The following UCHL5 variants were observed in gnomAD, a reference collection of about 807,000 sequenced individuals.
UCHL5 encodes the protein ubiquitin carboxyl-terminal hydrolase isozyme L5.
A neutral mutation model predicts 53.8 loss-of-function variants in UCHL5; 34 were observed. That is an observed-to-expected ratio of 0.63 (90% CI 0.48 to 0.84). The LOEUF is 0.84. Ranked by LOEUF, UCHL5 falls within the 40% of genes least tolerant of loss-of-function variation. The pLI is 0.00. For missense variants in UCHL5, 290 were observed against 385.6 expected, an observed-to-expected ratio of 0.75 and a Z score of 2.08; for synonymous variants, 111 against 126.3, an observed-to-expected ratio of 0.88 and a Z score of 0.81.
chr1:193,031,123 C>T (rs937194665), intron 3 of UCHL5, among the ~76,000 whole-genome samples: 16 of 152,144 alleles, frequency 1.1e-4, no homozygotes, highest in African/African-American at 3.6e-4. Flanking sequence ...TGGATGCAAA[C>T]TTTAATGATT....
In UCHL5 at chr1:193,012,722, C is replaced by T. The variant is rs934442087; in HGVS notation, c.*3629G>A. The T allele has an allele frequency of 1.4e-4, 22 of 152,100 alleles. No homozygotes were observed. Among genetic ancestry groups the T allele is most frequent in the African/African-American group, 3.9e-4 (16 of 41,408 alleles). 9.4% of individuals were successfully genotyped at this position (152,100 alleles called of 1,614,324 possible). ...TTCCCTATTTTTTTTACCATTCATA[C>T]TACTATTTGAAAAGTTGTATTACAT... On this transcript the variant is annotated 3_prime_UTR_variant, in exon 11 of 11. Coordinates refer to ENST00000367454, the MANE Select transcript of UCHL5 (RefSeq NM_001199261.3).
intron 3 of UCHL5, 138 bp downstream of exon 3, chr1:193,049,608 T>A: frequency 1.9e-6 from 1 of 531,594 alleles, no homozygotes; most frequent in Non-Finnish European, 3.1e-6. Flanking sequence ...TTTTTAAGAC[T>A]GTAATTGGAG....
intron 3 of UCHL5, among the ~76,000 whole-genome samples, chr1:193,044,714 C>T (rs1232797860): frequency 2.6e-5 from 4 of 152,056 alleles, no homozygotes; most frequent in African/African-American, 9.7e-5. Flanking sequence ...TCTGAAAATA[C>T]TCCAGACATC....
intron 1 of UCHL5, among the ~76,000 whole-genome samples, chr1:193,058,294 G>A (rs1671426637): frequency 6.6e-6 from 1 of 152,126 alleles, no homozygotes; most frequent in Non-Finnish European, 1.5e-5. Flanking sequence ...AACAACATAT[G>A]CTTGATAAAT....
chr1:193,052,685 T>G (rs1437420922), intron 1 of UCHL5, among the ~76,000 whole-genome samples: 2 of 152,202 alleles, frequency 1.3e-5, no homozygotes, highest in South Asian at 4.1e-4. Context: ...CAGAGCTGTT[T>G]GGAGGAATTA....
intron 3 of UCHL5, among the ~76,000 whole-genome samples, chr1:193,037,730 T>TAGTAACAAACCAAATTCAAA (rs1230062285): frequency 3.6e-4 from 54 of 152,002 alleles, no homozygotes; most frequent in African/African-American, 1.2e-3. Context: ...TTCAACCAAA[T>TAGTAACAAACCAAATTCAAA]AGTAACAAAC....
At position 193,014,696 on chromosome 1, in the gene UCHL5, A is replaced by T. The variant is rs2102216003; in HGVS notation, c.*1655T>A. 6.6e-6 allele frequency: 1 copy of T among 152,140 alleles called. No homozygotes were observed. The highest frequency in any genetic ancestry group is 1.9e-4 in the East Asian group (1 of 5,204). The allele number at this position is 152,140 out of a possible 1,614,324, so 9.4% of individuals were successfully genotyped here. ...TTCTATTCTGGCTCCATTTGTTGAA[A>T]AGACTTTCCTTCTCTGTTGAATTGT... On this transcript the variant is annotated 3_prime_UTR_variant, in exon 11 of 11. Coordinates refer to ENST00000367454, the MANE Select transcript of UCHL5 (RefSeq NM_001199261.3).
intron 3 of UCHL5, among the ~76,000 whole-genome samples, chr1:193,031,699 ACTACGTG>A (rs1482546956): frequency 1.3e-5 from 2 of 152,202 alleles, no homozygotes; most frequent in African/African-American, 2.4e-5. Flanking sequence ...CTGAGCACCT[ACTACGTG>A]CCAGACATTG....
Position 193,014,427 on chromosome 1 carries a change from T to C in UCHL5, c.*1924A>G, listed in dbSNP as rs1013540670. 2.0e-5 allele frequency: 3 copies of C among 152,180 alleles called. No individual in the cohort carries two copies. Among genetic ancestry groups the C allele is most frequent in the Non-Finnish European group, 2.9e-5 (2 of 68,028 alleles). 9.4% of individuals were successfully genotyped at this position (152,180 alleles called of 1,614,324 possible). On this transcript the variant is annotated 3_prime_UTR_variant, in exon 11 of 11. Coordinates refer to ENST00000367454, the MANE Select transcript of UCHL5 (RefSeq NM_001199261.3). ...GATATTTTTCAAATGTCATTTGATA[T>C]TACTTTTGTTAACACTTTCAATGAC...
At chr1:193,041,329 C>G (rs1332911936) in intron 3 of UCHL5, among the ~76,000 whole-genome samples, 1 of 151,864 alleles carries the variant, frequency 6.6e-6, no homozygotes, top group Non-Finnish European at 1.5e-5. Context: ...ATAACATAAA[C>G]AAGAATTTCA....
In UCHL5 at chr1:193,059,214, C is replaced by A; in HGVS notation, c.47G>T (p.Gly16Val). The A allele has an allele frequency of 6.2e-7, 1 of 1,614,000 alleles. No individual in the cohort carries two copies. Among genetic ancestry groups the A allele is most frequent in the Non-Finnish European group, 8.5e-7 (1 of 1,179,988 alleles). ...GEWCLMESDP[G>V]VFTELIKGFG... is the part of the protein sequence containing the mutation. ...TCCTTTAATGAGCTCGGTGAAGACC[C>A]CGGGGTCGCTTTCCATGAGGCACCA... is the stretch of plus-strand genomic sequence containing the variant. Residue 16 changes from glycine (G) to valine (V), a missense_variant, in exon 1 of 11, where the codon GGG becomes GTG. Gly to Val is a moderately radical substitution (Grantham distance 109). Coordinates refer to ENST00000367454, the MANE Select transcript of UCHL5 (RefSeq NM_001199261.3). This position sits in a 1 kb window ranked among gnomAD's most constrained non-coding sequence, Gnocchi z 4.9.
At chr1:193,052,048 CTA>C (rs1313581000) in intron 1 of UCHL5, among the ~76,000 whole-genome samples, 1 of 152,120 alleles carries the variant, frequency 6.6e-6, no homozygotes, top group African/African-American at 2.4e-5. Flanking sequence ...AATTACCACT[CTA>C]TGACTGTTCC....
At chr1:193,019,393 T>A (rs1457550109) in intron 10 of UCHL5, among the ~76,000 whole-genome samples, 1 of 151,710 alleles carries the variant, frequency 6.6e-6, no homozygotes. Flanking sequence ...AAATGTTTGA[T>A]GAATAATTTA....
intron 3 of UCHL5, among the ~76,000 whole-genome samples, chr1:193,031,636 A>G (rs1661452735): frequency 6.6e-6 from 1 of 152,174 alleles, no homozygotes; most frequent in Non-Finnish European, 1.5e-5. Context: ...ACAAAAAACA[A>G]AAGAAAATTT....
intron 10 of UCHL5, chr1:193,020,112 A>G (rs1656399256): frequency 1.0e-6 from 1 of 985,022 alleles, no homozygotes; most frequent in Non-Finnish European, 1.2e-6. Context: ...AAAAGAGAAG[A>G]TTTAGCAGTC....
intron 3 of UCHL5, among the ~76,000 whole-genome samples, chr1:193,042,612 T>G (rs1665966385): frequency 6.6e-6 from 1 of 152,204 alleles, no homozygotes; most frequent in South Asian, 2.1e-4. Flanking sequence ...GTTTTTTGTT[T>G]ACTATCACAT....
chr1:193,033,265 A>G (rs994364065), intron 3 of UCHL5, among the ~76,000 whole-genome samples: 3 of 152,192 alleles, frequency 2.0e-5, no homozygotes, highest in Non-Finnish European at 4.4e-5. Flanking sequence ...TTCTCAGCAA[A>G]CTAACACAGG....
intron 1 of UCHL5, chr1:193,057,404 T>G (rs1309165846): frequency 6.4e-6 from 1 of 155,372 alleles, no homozygotes; most frequent in Non-Finnish European, 1.5e-5. Context: ...GAGCAGACAT[T>G]ACCACATGCA....
intron 3 of UCHL5, among the ~76,000 whole-genome samples, chr1:193,045,004 C>A (rs1473169396): frequency 2.6e-5 from 4 of 152,072 alleles, no homozygotes; most frequent in African/African-American, 9.7e-5. Context: ...TCAAGGGACT[C>A]CAGAAATTAT....
Sources: gnomAD v4.1 joint callset for allele counts (sites outside exome capture counted in the v4.1 genomes callset) on GRCh38, gnomAD v4.1.1 for gene constraint, Gnocchi (gnomAD v3.1) non-coding constraint, MANE v1.5 for transcripts, NCBI Gene and HGNC (gene_info 2026-07-23, HGNC 2026-07-21) for gene names.